The following S100A5 variants were observed in gnomAD, a reference collection of about 807,000 sequenced individuals.
S100A5 encodes the protein S100 calcium binding protein A5.
In S100A5, 5 loss-of-function variants were observed where a neutral mutation model predicts 6.7. The ratio of observed to expected loss-of-function variants is 0.75; its 90% confidence interval spans 0.39 to 1.57. S100A5 has a LOEUF of 1.57. S100A5 is among the 40% of genes most tolerant of loss of function. S100A5 has a pLI of 0.03. For synonymous variants in S100A5, 49 were observed against 44.9 expected (o/e 1.09, Z -0.37); for missense variants, 129 against 110.8 (o/e 1.16, Z -0.74).
At chr1:153,541,434 C>T (rs777182872), upstream of S100A5, 37 of 1,367,746 alleles carry the variant, frequency 2.7e-5, no homozygotes, top group Non-Finnish European at 3.2e-5. Flanking sequence ...TAGCCTCCCT[C>T]TCACTGCCTT....
At chr1:153,542,255 A>T (rs1220209266), upstream of S100A5, among the ~76,000 whole-genome samples, 1 of 151,900 alleles carries the variant, frequency 6.6e-6, no homozygotes, top group Non-Finnish European at 1.5e-5. Flanking sequence ...CTCAGGGTGT[A>T]GTACCTATCA....
chr1:153,541,741 G>A, upstream of S100A5: 1 of 1,133,284 alleles, frequency 8.8e-7, no homozygotes, highest in Non-Finnish European at 1.1e-6. Flanking sequence ...GGCTGTCCTG[G>A]AAAGAAAACC....
intron 1 of S100A5, 132 bp downstream of exon 1, chr1:153,540,489 G>A (rs968343016): frequency 4.0e-5 from 11 of 277,698 alleles, no homozygotes; most frequent in South Asian, 5.9e-5. Context: ...ATGAGAAGAC[G>A]ACCTCCTCAA....
At chr1:153,539,986 GGTAGGTAT>G in intron 2 of S100A5, 60 bp downstream of exon 2, 1 of 1,575,514 alleles carries the variant, frequency 6.3e-7, no homozygotes, top group East Asian at 2.2e-5. Context: ...GGATCCTGAG[GGTAGGTAT>G]GTGTCCCCCA....
At chr1:153,543,665 G>A (rs368083945), upstream of S100A5, 7 of 1,188,144 alleles carry the variant, frequency 5.9e-6, no homozygotes, top group South Asian at 8.4e-5. Context: ...CATCAAGCAC[G>A]TGTCTGAAGG....
chr1:153,540,033 G>A, intron 2 of S100A5, 21 bp downstream of exon 2: 1 of 1,613,374 alleles, frequency 6.2e-7, no homozygotes, highest in East Asian at 2.2e-5. Flanking sequence ...TGGGGTGGAG[G>A]ATGAGGGAAC....
intron 2 of S100A5, among the ~76,000 whole-genome samples, chr1:153,538,467 C>A (rs1665260225): frequency 6.6e-6 from 1 of 152,218 alleles, no homozygotes; most frequent in Non-Finnish European, 1.5e-5. Flanking sequence ...GCCTGGGCTC[C>A]TGTTATTGCC....
chr1:153,541,410 C>T, upstream of S100A5: 2 of 1,367,780 alleles, frequency 1.5e-6, no homozygotes, highest in Non-Finnish European at 2.0e-6. Context: ...CCCAGAGAAT[C>T]CAAGCAGCAG....
In S100A5 at chr1:153,540,831, T is replaced by C. The variant is rs1665361706; in HGVS notation, c.-225A>G. The C allele has an allele frequency of 6.3e-6, 1 of 158,690 alleles. No homozygotes were observed. The highest frequency in any genetic ancestry group is 1.4e-5 in the Non-Finnish European group (1 of 71,886). The allele number at this position is 158,690 out of a possible 1,614,324, so 9.8% of individuals were successfully genotyped here. Reference sequence around the variant, plus strand: ...CGGGCAGGGAGGGCAGGGGGCCTCTTGAAATCTCCAGGATCATTCCAAAAC... The same window carrying C: ...CGGGCAGGGAGGGCAGGGGGCCTCTCGAAATCTCCAGGATCATTCCAAAAC... On this transcript the variant is annotated 5_prime_UTR_variant, in exon 1 of 3. Coordinates refer to ENST00000368717, the MANE Select transcript of S100A5 (RefSeq NM_001394232.1).
At chr1:153,541,175 G>T (rs536314002), upstream of S100A5, among the ~76,000 whole-genome samples, 4 of 152,300 alleles carry the variant, frequency 2.6e-5, no homozygotes, top group Non-Finnish European at 4.4e-5. Context: ...CTGTGCACCT[G>T]CAGGAGCATC....
upstream of S100A5, chr1:153,543,494 C>T (rs1571236859): frequency 1.6e-5 from 7 of 448,112 alleles, no homozygotes; most frequent in South Asian, 2.2e-4. Flanking sequence ...CTGCATCCCT[C>T]CCCTAACTTC....
upstream of S100A5, chr1:153,542,028 G>T: frequency 2.5e-6 from 1 of 401,798 alleles, no homozygotes; most frequent in Non-Finnish European, 3.4e-6. Context: ...TTGGCATGGA[G>T]GACTGAGAAT....
chr1:153,542,467 T>C (rs774374142), upstream of S100A5, among the ~76,000 whole-genome samples: 4 of 152,180 alleles, frequency 2.6e-5, no homozygotes, highest in Non-Finnish European at 4.4e-5. Flanking sequence ...GGCAGCAGAC[T>C]TTCTCCTGAA....
At chr1:153,541,243 G>T (rs1224448092), upstream of S100A5, 5 of 560,998 alleles carry the variant, frequency 8.9e-6, no homozygotes, top group Non-Finnish European at 1.6e-5. Context: ...AATTCCAAAG[G>T]CTCTGCCCTC....
chr1:153,541,679 A>T (rs1329732296), upstream of S100A5: 1 of 1,144,890 alleles, frequency 8.7e-7, no homozygotes, highest in Non-Finnish European at 1.1e-6. Flanking sequence ...ACCAAAAATC[A>T]GAACTCAAAA....
At chr1:153,537,911 G>A (rs545627588) in intron 2 of S100A5, among the ~76,000 whole-genome samples, 1 of 152,278 alleles carries the variant, frequency 6.6e-6, no homozygotes, top group Non-Finnish European at 1.5e-5. Context: ...GCCAGGCATG[G>A]TGGTACATCC....
chr1:153,539,912 C>A, intron 2 of S100A5, 142 bp downstream of exon 2: 2 of 964,318 alleles, frequency 2.1e-6, no homozygotes, highest in Non-Finnish European at 3.1e-6. Flanking sequence ...GGCCCGAAAT[C>A]CCCACCATCT....
intron 2 of S100A5, among the ~76,000 whole-genome samples, chr1:153,539,424 CAAAAAAAAAAAAAAA>C (rs149327889): frequency 0.029 from 1,033 of 35,196 alleles, 47 homozygotes; most frequent in Middle Eastern, 0.17. Context: ...GAGACTCTCT[CAAAAAAAAAAAAAAA>C]AAAAAAAAAA....
upstream of S100A5, chr1:153,543,665 G>C: frequency 2.0e-5 from 24 of 1,188,146 alleles, no homozygotes; most frequent in South Asian, 3.4e-4. Context: ...CATCAAGCAC[G>C]TGTCTGAAGG....
Sources: allele counts gnomAD v4.1 joint callset (sites outside exome capture counted in the v4.1 genomes callset), GRCh38; gene constraint gnomAD v4.1.1; transcripts MANE v1.5; gene names NCBI Gene and HGNC (gene_info 2026-07-23, HGNC 2026-07-21).